Variants in INTS6 observed in about 807,000 individuals in gnomAD.
INTS6 encodes DEAD box protein.
A neutral mutation model predicts 104.9 loss-of-function variants in INTS6; 16 were observed. The observed-to-expected ratio is 0.15, with a 90% CI of 0.10 to 0.23. The LOEUF (loss-of-function observed/expected upper bound fraction) is 0.23, where lower values mean the gene tolerates loss of function less well. INTS6 is among the 10% of genes least tolerant of loss of function. The pLI is 1.00. For synonymous variants in INTS6, 324 were observed against 358.7 expected, an observed-to-expected ratio of 0.90 and a Z score of 1.09; for missense variants, 584 against 1,062.8, an observed-to-expected ratio of 0.55 and a Z score of 6.26.
At chr13:51,428,615 C>G (rs146426637) in intron 4 of INTS6, among the ~76,000 whole-genome samples, 2 of 152,062 alleles carry the variant, frequency 1.3e-5, no homozygotes, top group African/African-American at 4.8e-5. Flanking sequence ...TGAACCACCA[C>G]GCCCGGCTAA....
rs1955752366 is a variant in INTS6, at chr13:51,369,165, A to T, written c.2250T>A (p.Asn750Lys). ...GGTCATGACCAAGAGCCTCCATATGATTGGTTGGCCGTTCCAGTAAACTGG... is the reference window on the plus strand; with the variant it reads ...GGTCATGACCAAGAGCCTCCATATGTTTGGTTGGCCGTTCCAGTAAACTGG... ...SPASLLERPTNHMEALGHDHL... is the reference protein window; with the variant it reads ...SPASLLERPTKHMEALGHDHL... Residue 750 changes from asparagine (N) to lysine (K), a missense_variant, in exon 16 of 18, where the codon AAT becomes AAA. This residue lies in a region of INTS6 where 296 missense variants were observed against 437.0 expected (regional missense o/e 0.68). Coordinates refer to ENST00000311234, the MANE Select transcript of INTS6 (RefSeq NM_012141.3). The T allele has an allele frequency of 6.2e-7, 1 of 1,613,696 alleles. No homozygotes were observed. The highest frequency in any genetic ancestry group is 8.5e-7 in the Non-Finnish European group (1 of 1,179,838).
At chr13:51,399,668 C>T (rs917398519) in intron 4 of INTS6, among the ~76,000 whole-genome samples, 1 of 152,004 alleles carries the variant, frequency 6.6e-6, no homozygotes, top group Non-Finnish European at 1.5e-5. Context: ...CCTTCATCAA[C>T]ACTTAGTTTT....
chr13:51,414,851 C>T (rs1956757892), intron 4 of INTS6, among the ~76,000 whole-genome samples: 2 of 151,512 alleles, frequency 1.3e-5, no homozygotes, highest in South Asian at 4.2e-4. Flanking sequence ...CACACACACA[C>T]ACACACACAC....
chr13:51,348,695 G>C, the INTS6 span: 1 of 396,488 alleles, frequency 2.5e-6, no homozygotes, highest in Non-Finnish European at 4.6e-6. Context: ...AGCCCCCCAG[G>C]ACCCCCTGAT....
In INTS6 at chr13:51,378,363, A is replaced by G. The variant is rs768901650; in HGVS notation, c.1478T>C (p.Leu493Ser). 1.2e-6 allele frequency: 2 copies of G among 1,613,504 alleles called. No individual in the cohort carries two copies. Among genetic ancestry groups the G allele is most frequent in the African/African-American group, 2.7e-5 (2 of 75,010 alleles). The change falls in exon 12 of 18, where the codon TTA (leucine) becomes TCA (serine). Residue 493 changes from leucine to serine, a missense_variant. Around this residue, in one of 5 missense-constraint regions of INTS6, gnomAD observed 74 missense variants for 64.4 expected, o/e 1.15. Transcript: ENST00000311234. Reference protein sequence around the residue: ...GIKVRSRSHGLSMAYRKDFQQ... With the variant: ...GIKVRSRSHGSSMAYRKDFQQ... ...AAAATCTTTCCTATATGCCATTGATAAACCATGTGATCGGCTCCGGACTTT... is the reference window on the plus strand; with the variant it reads ...AAAATCTTTCCTATATGCCATTGATGAACCATGTGATCGGCTCCGGACTTT...
chr13:51,407,169 A>C (rs1369718903), intron 4 of INTS6, among the ~76,000 whole-genome samples: 8 of 152,024 alleles, frequency 5.3e-5, no homozygotes. Context: ...TACTCTCTTC[A>C]GATCTTGGCT....
chr13:51,435,057 C>T (rs1957161359), intron 3 of INTS6, among the ~76,000 whole-genome samples: 1 of 151,842 alleles, frequency 6.6e-6, no homozygotes, highest in South Asian at 2.1e-4. Flanking sequence ...GGGAGACAAT[C>T]CTTTAGAAGT....
chr13:51,361,717 G>A lies in INTS6; in HGVS notation c.*4035C>T. 8.6e-7 allele frequency: 1 copy of A among 1,161,254 alleles called. No homozygotes were observed. Among genetic ancestry groups the A allele is most frequent in the South Asian group, 1.6e-5 (1 of 60,844 alleles). The allele number at this position is 1,161,254 out of a possible 1,614,324, so 71.9% of individuals were successfully genotyped here. On this transcript the variant is annotated 3_prime_UTR_variant, in exon 18 of 18. Transcript: ENST00000311234. ...CAATCAAATGCCATTAGGATGCTTT[G>A]ATTTCTTAAAAAATTAACTTACTTC...
downstream of INTS6, chr13:51,361,201 T>C: frequency 1.1e-6 from 1 of 951,578 alleles, no homozygotes; most frequent in Non-Finnish European, 1.7e-6. Context: ...TGTAAGTACA[T>C]TTTTAAAGAA....
intron 9 of INTS6, 56 bp from the exon 10 acceptor site, chr13:51,382,179 G>A (rs1956063934): frequency 1.9e-6 from 2 of 1,072,166 alleles, no homozygotes; most frequent in Non-Finnish European, 1.4e-6. Context: ...ACACATAGAA[G>A]TCAAGTCAAA....
intron 3 of INTS6, chr13:51,436,403 T>G (rs898352327): frequency 6.6e-6 from 1 of 152,192 alleles, no homozygotes; most frequent in South Asian, 2.1e-4. Context: ...TAGTTTCAAG[T>G]AACTCCGTTA....
intron 3 of INTS6, chr13:51,447,057 TTTAA>T (rs1260093366): frequency 6.6e-6 from 1 of 152,214 alleles, no homozygotes. Flanking sequence ...AAAAAAAAAT[TTTAA>T]TTAAAGGAAT....
chr13:51,382,212 C>G, intron 9 of INTS6, 89 bp from the exon 10 acceptor site: 2 of 662,054 alleles, frequency 3.0e-6, no homozygotes, highest in Non-Finnish European at 4.8e-6. Context: ...TTAAAGTCTG[C>G]TTTGTTATTT....
At chr13:51,353,338 A>G (rs1268308648), downstream of INTS6, among the ~76,000 whole-genome samples, 1 of 152,248 alleles carries the variant, frequency 6.6e-6, no homozygotes, top group Non-Finnish European at 1.5e-5. Flanking sequence ...CAATAAGTGC[A>G]TGGGCTGTGC....
the INTS6 span, among the ~76,000 whole-genome samples, chr13:51,337,096 C>G: frequency 1.3e-5 from 2 of 152,256 alleles, no homozygotes; most frequent in African/African-American, 4.8e-5. Context: ...CTTGCTCTAG[C>G]TGTTCCCTCA....
At chr13:51,370,216 A>G (rs1181360522) in intron 15 of INTS6, among the ~76,000 whole-genome samples, 1 of 152,200 alleles carries the variant, frequency 6.6e-6, no homozygotes, top group Non-Finnish European at 1.5e-5. Flanking sequence ...TCCTGTATGG[A>G]GACTGCTCTC....
At chr13:51,394,025 G>GT in intron 5 of INTS6, among the ~76,000 whole-genome samples, 1 of 145,454 alleles carries the variant, frequency 6.9e-6, no homozygotes, top group African/African-American at 2.6e-5. Flanking sequence ...AATCCCCAGA[G>GT]TTTAAAAAAA....
chr13:51,340,417 C>T, the INTS6 span, among the ~76,000 whole-genome samples: 31 of 152,202 alleles, frequency 2.0e-4, no homozygotes, highest in African/African-American at 4.1e-4. Flanking sequence ...TTCTGATATT[C>T]GAGGTACAAT....
At chr13:51,405,622 A>G (rs1033608608) in intron 4 of INTS6, among the ~76,000 whole-genome samples, 1 of 152,152 alleles carries the variant, frequency 6.6e-6, no homozygotes, top group African/African-American at 2.4e-5. Context: ...ACTCAAAGGT[A>G]TTCAGAGTCT....
Sources: allele counts gnomAD v4.1 joint callset (sites outside exome capture counted in the v4.1 genomes callset), GRCh38; gene constraint gnomAD v4.1.1; regional missense constraint gnomAD v4.1.1; transcripts MANE v1.5; gene names NCBI Gene and HGNC (gene_info 2026-07-23, HGNC 2026-07-21).